The following DIAPH3 variants were observed in gnomAD, a reference collection of about 807,000 sequenced individuals.
DIAPH3 encodes protein diaphanous homolog 3.
Under a neutral mutation model 144.3 loss-of-function variants are expected in DIAPH3, and 117 were observed. The ratio of observed to expected loss-of-function variants is 0.81; its 90% confidence interval spans 0.70 to 0.95. The LOEUF is 0.95. DIAPH3 is among the 40% of genes least tolerant of loss of function. The pLI is 0.00. For missense variants in DIAPH3, 1,421 were observed against 1,412.7 expected, an observed-to-expected ratio of 1.01 and a Z score of -0.09; for synonymous variants, 519 against 488.9, an observed-to-expected ratio of 1.06 and a Z score of -0.81.
At chr13:59,756,342 T>G (rs1008633113) in intron 27 of DIAPH3, among the ~76,000 whole-genome samples, 1 of 151,884 alleles carries the variant, frequency 6.6e-6, no homozygotes, top group South Asian at 2.1e-4. Flanking sequence ...AAAAAAGTTA[T>G]AATCTACTAA....
intron 27 of DIAPH3, among the ~76,000 whole-genome samples, chr13:59,761,775 A>G (rs908593811): frequency 6.6e-6 from 1 of 152,208 alleles, no homozygotes; most frequent in Non-Finnish European, 1.5e-5. Context: ...GTTTATATAT[A>G]GCATTGGAAG....
chr13:59,779,809 C>A (rs185054478), intron 25 of DIAPH3, among the ~76,000 whole-genome samples: 2 of 152,044 alleles, frequency 1.3e-5, no homozygotes, highest in Non-Finnish European at 2.9e-5. Context: ...TCACCGCGCA[C>A]GGCCGAGGGA....
chr13:59,970,072 GAA>G lies in DIAPH3; in HGVS notation c.1960-16_1960-15del, dbSNP rs2050270534. 1 of 1,470,458 alleles carries G rather than the reference GAA, an allele frequency of 6.8e-7. No homozygotes were observed. 91.1% of individuals were successfully genotyped at this position (1,470,458 alleles called of 1,614,324 possible). On this transcript the variant is annotated splice_polypyrimidine_tract_variant and intron_variant, in intron 16 of 27. Transcript: ENST00000400324. ...ATGAGGTCTGATCTACAATCAGAGA[GAA>G]GACTGATTCATCAATAGGTGAGTGT... is the stretch of plus-strand genomic sequence containing the variant.
intron 15 of DIAPH3, among the ~76,000 whole-genome samples, chr13:59,972,025 C>CT (rs1015093907): frequency 2.6e-5 from 4 of 152,212 alleles, no homozygotes; most frequent in Admixed American, 1.3e-4. Flanking sequence ...GCATTTATCT[C>CT]TTTGACAGAT....
chr13:59,847,605 G>T (rs2042719401), intron 22 of DIAPH3, among the ~76,000 whole-genome samples: 1 of 152,180 alleles, frequency 6.6e-6, no homozygotes, highest in Non-Finnish European at 1.5e-5. Flanking sequence ...CATAAGAGGT[G>T]CATAACAGAA....
chr13:59,916,406 T>C (rs1023791647), intron 18 of DIAPH3, among the ~76,000 whole-genome samples, 157 bp from the exon 19 acceptor site: 3 of 152,176 alleles, frequency 2.0e-5, no homozygotes, highest in Non-Finnish European at 4.4e-5. Flanking sequence ...GGGGAAACTT[T>C]CATTACTACA....
At chr13:59,813,456 T>G (rs2040595661) in intron 24 of DIAPH3, among the ~76,000 whole-genome samples, 2 of 152,020 alleles carry the variant, frequency 1.3e-5, no homozygotes, top group Non-Finnish European at 2.9e-5. Context: ...AGGCAGTAAG[T>G]TGCAAGATTT....
intron 7 of DIAPH3, 93 bp from the exon 8 acceptor site, chr13:60,010,762 G>T: frequency 7.7e-7 from 1 of 1,306,920 alleles, no homozygotes; most frequent in Non-Finnish European, 1.1e-6. Flanking sequence ...AAAATTTATA[G>T]GACATTTTTA....
At chr13:59,856,774 T>G (rs745926975) in intron 22 of DIAPH3, among the ~76,000 whole-genome samples, 1 of 152,102 alleles carries the variant, frequency 6.6e-6, no homozygotes, top group Non-Finnish European at 1.5e-5. Flanking sequence ...ACATTTTTGT[T>G]CCCTTGACCA....
At chr13:59,791,802 C>G (rs543348908) in intron 25 of DIAPH3, among the ~76,000 whole-genome samples, 1 of 152,290 alleles carries the variant, frequency 6.6e-6, no homozygotes, top group African/African-American at 2.4e-5. Context: ...GCAGGTCATT[C>G]ACAGATGCTC....
chr13:59,987,226 C>T (rs1346984715), intron 12 of DIAPH3, among the ~76,000 whole-genome samples: 2 of 150,884 alleles, frequency 1.3e-5, no homozygotes, highest in African/African-American at 4.9e-5. Context: ...ATCGCAAGAA[C>T]GAAAAACCAA....
chr13:59,685,620 G>A (rs1038537221), intron 27 of DIAPH3, among the ~76,000 whole-genome samples: 12 of 152,082 alleles, frequency 7.9e-5, no homozygotes, highest in Admixed American at 4.6e-4. Context: ...AAACCTGTAA[G>A]TCTCAGTTTC....
chr13:60,005,156 G>C (rs1464797371), intron 9 of DIAPH3, among the ~76,000 whole-genome samples: 1 of 152,208 alleles, frequency 6.6e-6, no homozygotes, highest in Non-Finnish European at 1.5e-5. Context: ...GTACACTCAT[G>C]ACAGACGATT....
chr13:59,821,918 A>C lies in DIAPH3; in HGVS notation c.3028-10995T>G, dbSNP rs17057379. Among the ~76,000 whole-genome samples, 513 of 152,324 alleles carry C rather than the reference A, an allele frequency of 3.4e-3. 3 individuals are homozygous for C. Among genetic ancestry groups the C allele is most frequent in the Middle Eastern group, 0.01 (3 of 294 alleles). The stretch of plus-strand genomic sequence containing the variant: ...ACTATCCTTTGAGGAACAAACTAGA[A>C]TATCCCAAAGGATGTGCAGGTGCTG... On this transcript the variant is annotated intron_variant, in intron 24 of 27. Transcript: ENST00000400324.
At chr13:59,726,324 T>C (rs2035601407) in intron 27 of DIAPH3, among the ~76,000 whole-genome samples, 1 of 152,140 alleles carries the variant, frequency 6.6e-6, no homozygotes, top group African/African-American at 2.4e-5. Context: ...AAAACAAGGA[T>C]CACTGAATCA....
At chr13:59,890,163 C>G (rs568782948) in intron 20 of DIAPH3, among the ~76,000 whole-genome samples, 1 of 152,088 alleles carries the variant, frequency 6.6e-6, no homozygotes, top group African/African-American at 2.4e-5. Flanking sequence ...GGCACAGACA[C>G]AAGGGAGATA....
At chr13:59,930,434 T>TCC (rs1490054075) in intron 17 of DIAPH3, among the ~76,000 whole-genome samples, 4 of 152,090 alleles carry the variant, frequency 2.6e-5, no homozygotes, top group Non-Finnish European at 1.5e-5. Context: ...TTGGGATAAA[T>TCC]ACCTAAGCAA....
At chr13:60,099,202 C>CA (rs961352410) in intron 3 of DIAPH3, among the ~76,000 whole-genome samples, 2 of 151,884 alleles carry the variant, frequency 1.3e-5, no homozygotes, top group African/African-American at 4.8e-5. Flanking sequence ...GGTTATGTCC[C>CA]AAAAAAGCCA....
At chr13:59,838,421 T>C (rs904013994) in intron 23 of DIAPH3, 4 of 152,016 alleles carry the variant, frequency 2.6e-5, no homozygotes, top group African/African-American at 9.7e-5. Context: ...TGTGTGTATG[T>C]ATATACACAC....
Sources: gnomAD v4.1 joint callset for allele counts (sites outside exome capture counted in the v4.1 genomes callset) on GRCh38, gnomAD v4.1.1 for gene constraint, MANE v1.5 for transcripts, NCBI Gene and HGNC (gene_info 2026-07-23, HGNC 2026-07-21) for gene names.